ZNF827: variants seen among roughly 807,000 people sequenced by gnomAD.
The protein encoded by ZNF827 is zinc finger protein 827.
Under a neutral mutation model 102.4 loss-of-function variants are expected in ZNF827, and 13 were observed. That is an observed-to-expected ratio of 0.13 (90% confidence interval 0.08 to 0.20). The LOEUF is 0.20. ZNF827 is among the 10% of genes least tolerant of loss of function. The pLI, the probability that ZNF827 is intolerant of heterozygous loss-of-function variation, is 1.00. For synonymous variants in ZNF827, 523 were observed against 536.2 expected, an observed-to-expected ratio of 0.98 and a Z score of 0.34; for missense variants, 1,103 against 1,344.4, an observed-to-expected ratio of 0.82 and a Z score of 2.81.
chr4:145,861,480 G>A (rs1156623377), intron 5 of ZNF827, among the ~76,000 whole-genome samples: 3 of 152,112 alleles, frequency 2.0e-5, no homozygotes, highest in Non-Finnish European at 2.9e-5. Flanking sequence ...AAAATAAAGC[G>A]TCTTCTCAGA....
At chr4:145,796,445 T>C (rs1261907499) in intron 8 of ZNF827, among the ~76,000 whole-genome samples, 2 of 152,106 alleles carry the variant, frequency 1.3e-5, no homozygotes, top group Non-Finnish European at 2.9e-5. Context: ...GGAGACCTTA[T>C]CTGGTCACTT....
intron 7 of ZNF827, among the ~76,000 whole-genome samples, chr4:145,837,459 T>C (rs1744963846): frequency 6.8e-6 from 1 of 148,028 alleles, no homozygotes; most frequent in Non-Finnish European, 1.5e-5. Flanking sequence ...CAGACCAACT[T>C]AGACTGTGCC....
intron 8 of ZNF827, among the ~76,000 whole-genome samples, chr4:145,816,432 C>T (rs139454191): frequency 1.9e-3 from 282 of 152,274 alleles, no homozygotes; most frequent in African/African-American, 6.4e-3. Flanking sequence ...AAAAAGTATG[C>T]GTGTACTTTA....
At chr4:145,938,042 G>GC (rs1190507653) in intron 1 of ZNF827, among the ~76,000 whole-genome samples, 19 of 115,426 alleles carry the variant, frequency 1.6e-4, no homozygotes, top group African/African-American at 6.4e-4. Context: ...CCCTTCTCTT[G>GC]CCCCCTCCCC....
At chr4:145,866,715 T>C (rs951682669) in intron 5 of ZNF827, among the ~76,000 whole-genome samples, 4 of 152,258 alleles carry the variant, frequency 2.6e-5, no homozygotes, top group African/African-American at 9.6e-5. Flanking sequence ...GGCATTCTTA[T>C]CTACTACTTC....
intron 7 of ZNF827, among the ~76,000 whole-genome samples, chr4:145,838,132 C>T (rs933951256): frequency 2.0e-5 from 3 of 152,206 alleles, no homozygotes; most frequent in Non-Finnish European, 4.4e-5. Flanking sequence ...CCTGAAGTAA[C>T]TGAAGAATCA....
At chr4:145,867,208 G>C (rs1748292604) in intron 5 of ZNF827, among the ~76,000 whole-genome samples, 1 of 152,182 alleles carries the variant, frequency 6.6e-6, no homozygotes, top group South Asian at 2.1e-4. Flanking sequence ...CCAGCTGTCA[G>C]GCATTCAACT....
chr4:145,793,520 G>A (rs1302575403), intron 8 of ZNF827, among the ~76,000 whole-genome samples: 3 of 151,134 alleles, frequency 2.0e-5, no homozygotes, highest in Admixed American at 6.6e-5. Context: ...AGGCTAGGCT[G>A]GTCTTACCTT....
chr4:145,809,458 A>C (rs2126376034), intron 8 of ZNF827, among the ~76,000 whole-genome samples: 1 of 152,258 alleles, frequency 6.6e-6, no homozygotes, highest in South Asian at 2.1e-4. Flanking sequence ...CCCTCCCTAA[A>C]ACTAATGCCC....
At chr4:145,764,759 T>A (rs1735024015) in intron 13 of ZNF827, 3 of 574,778 alleles carry the variant, frequency 5.2e-6, no homozygotes, top group Non-Finnish European at 6.2e-6. Context: ...TTGCCCTGAA[T>A]CCCGGGGTAT....
intron 5 of ZNF827, among the ~76,000 whole-genome samples, chr4:145,869,433 A>G (rs1043588564): frequency 2.0e-5 from 3 of 152,238 alleles, no homozygotes; most frequent in Non-Finnish European, 1.5e-5. Context: ...AGCATTTTAA[A>G]TATAGTTTCT....
chr4:145,893,154 C>G (rs1413600489), intron 2 of ZNF827, among the ~76,000 whole-genome samples: 1 of 152,178 alleles, frequency 6.6e-6, no homozygotes, highest in Non-Finnish European at 1.5e-5. Context: ...ATGAGGCCAC[C>G]ACAAATGCTC....
intron 7 of ZNF827, chr4:145,831,789 C>A (rs971114750): frequency 6.6e-6 from 1 of 152,074 alleles, no homozygotes; most frequent in Non-Finnish European, 1.5e-5. Flanking sequence ...GGAAAAAGGA[C>A]GGGTAAACCA....
At chr4:145,848,680 G>A (rs929880652) in intron 6 of ZNF827, among the ~76,000 whole-genome samples, 1 of 152,222 alleles carries the variant, frequency 6.6e-6, no homozygotes, top group Non-Finnish European at 1.5e-5. Context: ...CGGCTTGAAA[G>A]AGATGACAGA....
chr4:145,895,055 G>A (rs1400852767), intron 2 of ZNF827, among the ~76,000 whole-genome samples: 6 of 152,064 alleles, frequency 3.9e-5, no homozygotes, highest in Admixed American at 3.9e-4. Context: ...AAACAAACAG[G>A]CTGTCATTGA....
At chr4:145,827,774 T>C (rs1357132731) in intron 7 of ZNF827, among the ~76,000 whole-genome samples, 1 of 152,226 alleles carries the variant, frequency 6.6e-6, no homozygotes, top group Non-Finnish European at 1.5e-5. Context: ...AGATCTCCAA[T>C]AACACTGGTT....
intron 4 of ZNF827, among the ~76,000 whole-genome samples, chr4:145,872,316 T>G (rs960507772): frequency 1.4e-4 from 22 of 151,812 alleles, no homozygotes; most frequent in African/African-American, 4.6e-4. Flanking sequence ...ACCAGAAGAA[T>G]AAGAAGAGAG....
intron 5 of ZNF827, among the ~76,000 whole-genome samples, chr4:145,851,462 G>A (rs1746526562): frequency 6.6e-6 from 1 of 152,222 alleles, no homozygotes; most frequent in Admixed American, 6.5e-5. Context: ...TGGAAAGCAT[G>A]ACATGGGTGA....
At chr4:145,804,151 A>C (rs1382206965) in intron 8 of ZNF827, among the ~76,000 whole-genome samples, 4 of 152,232 alleles carry the variant, frequency 2.6e-5, no homozygotes, top group Middle Eastern at 3.2e-3. Flanking sequence ...GCGTGTGTAC[A>C]CACAGAAGTG....
Sources: allele counts gnomAD v4.1 joint callset (sites outside exome capture counted in the v4.1 genomes callset), GRCh38; gene constraint gnomAD v4.1.1; transcripts MANE v1.5; gene names NCBI Gene and HGNC (gene_info 2026-07-23, HGNC 2026-07-21).